The following GOLM2 variants were observed in gnomAD, a reference collection of about 807,000 sequenced individuals.
The protein encoded by GOLM2 is golgi membrane protein 2, also known as protein GOLM2.
GOLM2 carries 26 observed loss-of-function variants against 55.9 expected under a neutral mutation model. The ratio of observed to expected loss-of-function variants is 0.47; its 90% CI spans 0.34 to 0.65. The LOEUF is 0.65. GOLM2 is among the 30% of genes least tolerant of loss of function. The pLI, the probability that GOLM2 is intolerant of heterozygous loss-of-function variation, is 0.01. For synonymous variants in GOLM2, 165 were observed against 194.6 expected (o/e 0.85, Z 1.27); for missense variants, 486 against 531.8 (o/e 0.91, Z 0.85).
intron 6 of GOLM2, among the ~76,000 whole-genome samples, chr15:44,377,057 T>C (rs1329133832): frequency 1.3e-5 from 2 of 152,222 alleles, no homozygotes; most frequent in East Asian, 1.9e-4. Flanking sequence ...ACTAGTTAAG[T>C]TGTTACAGTT....
intron 8 of GOLM2, among the ~76,000 whole-genome samples, chr15:44,387,645 C>T (rs1424544550): frequency 6.6e-6 from 1 of 151,868 alleles, no homozygotes; most frequent in Admixed American, 6.6e-5. Flanking sequence ...GCCTGTAATC[C>T]CAGCTACTTG....
At chr15:44,343,281 G>A (rs1349095029) in intron 6 of GOLM2, among the ~76,000 whole-genome samples, 13 of 148,152 alleles carry the variant, frequency 8.8e-5, no homozygotes, top group South Asian at 2.1e-4. Context: ...TGCAGTGAGC[G>A]AAGATCATGC....
rs547320793 is a variant in GOLM2, at chr15:44,394,630, C to A, written c.1073-8257C>A. Among the ~76,000 whole-genome samples, 6 of 152,176 alleles carry A rather than the reference C, an allele frequency of 3.9e-5. No homozygotes were observed. In the South Asian group the frequency reaches 1.2e-3, roughly 32 times the overall value. On this transcript the variant is annotated intron_variant, in intron 8 of 9. Transcript: ENST00000299957. The stretch of plus-strand genomic sequence containing the variant: ...TAATGAAATCAATTCAAAAGCCAGT[C>A]AATAGTTTTCCTACAATTGTTTTGT...
chr15:44,403,054 G>A lies in GOLM2; in HGVS notation c.1240G>A (p.Asp414Asn). The A allele has an allele frequency of 3.7e-6, 6 of 1,614,084 alleles. No homozygotes were observed. The highest frequency in any genetic ancestry group is 5.1e-6 in the Non-Finnish European group (6 of 1,180,018). The change falls in exon 9 of 10, where the codon GAT becomes AAT. Residue 414 changes from aspartate (D) to asparagine (N), a missense_variant and splice_region_variant. Physicochemically the swap from Asp to Asn is conservative, Grantham distance 23. Coordinates refer to ENST00000299957, the MANE Select transcript of GOLM2 (RefSeq NM_138423.4). ...DGDGGEEDVQDDEERELQMDP... is the reference protein window; with the variant it reads ...DGDGGEEDVQNDEERELQMDP... ...TGATGGTGGAGAGGAAGACGTCCAA[G>A]GTGAGCGTGGGCCTGGCCTCCATGC... is the stretch of plus-strand genomic sequence containing the variant.
intron 6 of GOLM2, among the ~76,000 whole-genome samples, chr15:44,367,046 A>G (rs2079290575): frequency 6.6e-6 from 1 of 152,266 alleles, no homozygotes; most frequent in African/African-American, 2.4e-5. Context: ...TAGATATCTT[A>G]TAAAACAGAC....
intron 8 of GOLM2, among the ~76,000 whole-genome samples, chr15:44,397,060 ATTACT>A (rs2079530903): frequency 6.6e-6 from 1 of 152,176 alleles, no homozygotes; most frequent in Admixed American, 6.5e-5. Flanking sequence ...AGTAAATATA[ATTACT>A]TTATTACTCC....
intron 1 of GOLM2, among the ~76,000 whole-genome samples, chr15:44,294,959 T>A (rs981972789): frequency 6.6e-6 from 1 of 152,060 alleles, no homozygotes; most frequent in African/African-American, 2.4e-5. Context: ...TAAGGTTATC[T>A]TTGGAAATCA....
In GOLM2 at chr15:44,288,922, C is replaced by A; in HGVS notation, c.-108C>A. The A allele has an allele frequency of 9.3e-7, 1 of 1,073,430 alleles. No homozygotes were observed. The highest frequency in any genetic ancestry group is 1.6e-5 in the South Asian group (1 of 62,926). The allele number at this position is 1,073,430 out of a possible 1,614,324, so 66.5% of individuals were successfully genotyped here. ...GCCGACCGGTAAGCCCGCCTCCTCC[C>A]TCGGCCGGCCCTGGGGCCGTGTCCG... On this transcript the variant is annotated 5_prime_UTR_variant, in exon 1 of 10. Coordinates refer to ENST00000299957, the MANE Select transcript of GOLM2 (RefSeq NM_138423.4).
At chr15:44,365,191 A>T (rs1246217326) in intron 6 of GOLM2, among the ~76,000 whole-genome samples, 1 of 152,200 alleles carries the variant, frequency 6.6e-6, no homozygotes, top group Non-Finnish European at 1.5e-5. Flanking sequence ...ACAATGGAAT[A>T]TTATTTACCA....
intron 8 of GOLM2, among the ~76,000 whole-genome samples, chr15:44,401,535 T>C (rs2079565305): frequency 6.6e-6 from 1 of 152,056 alleles, no homozygotes; most frequent in Non-Finnish European, 1.5e-5. Context: ...GACAGGCATA[T>C]GCCACTGCAC....
chr15:44,324,637 CA>C (rs1220303603), intron 2 of GOLM2, among the ~76,000 whole-genome samples: 1 of 151,980 alleles, frequency 6.6e-6, no homozygotes, highest in East Asian at 1.9e-4. Context: ...TTGGTTTTTT[CA>C]ATCATTGAGG....
chr15:44,351,813 T>C (rs1263675861), intron 6 of GOLM2, among the ~76,000 whole-genome samples: 1 of 151,974 alleles, frequency 6.6e-6, no homozygotes, highest in Admixed American at 6.6e-5. Flanking sequence ...ATCAGGAACA[T>C]AATCCCATTT....
chr15:44,322,915 G>T lies in GOLM2; in HGVS notation c.328-50G>T. On this transcript the variant is annotated intron_variant, in intron 1 of 9. Coordinates refer to ENST00000299957, the MANE Select transcript of GOLM2 (RefSeq NM_138423.4). ...CAAAGTGAATATGAACCAAAAAAAT[G>T]AACAAAACTACATATTTTTTAGTAA... is the stretch of plus-strand genomic sequence containing the variant. The T allele has an allele frequency of 2.2e-6, 3 of 1,345,770 alleles. No individual in the cohort carries two copies. In the South Asian group the frequency reaches 4.1e-5, roughly 18 times the overall value. The allele number at this position is 1,345,770 out of a possible 1,614,324, so 83.4% of individuals were successfully genotyped here.
chr15:44,345,304 G>A (rs1299213619), intron 6 of GOLM2, among the ~76,000 whole-genome samples: 1 of 148,328 alleles, frequency 6.7e-6, no homozygotes, highest in Non-Finnish European at 1.5e-5. Context: ...ACAGAGTCTC[G>A]CTGTGTCGCC....
At chr15:44,336,711 T>G (rs1377169211) in intron 4 of GOLM2, among the ~76,000 whole-genome samples, 1 of 151,658 alleles carries the variant, frequency 6.6e-6, no homozygotes, top group Non-Finnish European at 1.5e-5. Flanking sequence ...GGTCAGGAGA[T>G]CGAGACCATC....
chr15:44,383,299 C>T (rs977395832), intron 8 of GOLM2, among the ~76,000 whole-genome samples: 4 of 151,898 alleles, frequency 2.6e-5, no homozygotes, highest in South Asian at 4.2e-4. Context: ...TCCTACTTTG[C>T]GTGTTCCTTT....
At chr15:44,345,921 T>TGTGA (rs1257604805) in intron 6 of GOLM2, 1 of 151,894 alleles carries the variant, frequency 6.6e-6, no homozygotes, top group East Asian at 1.9e-4. Flanking sequence ...TGTGTGTGTG[T>TGTGA]GACAGAGTCT....
intron 1 of GOLM2, among the ~76,000 whole-genome samples, chr15:44,321,825 G>A (rs1426722975): frequency 2.6e-5 from 4 of 151,740 alleles, no homozygotes; most frequent in Admixed American, 2.0e-4. Context: ...AGGCCAGCAG[G>A]AGAATCACTT....
intron 1 of GOLM2, chr15:44,307,723 A>T (rs1315909504): frequency 6.6e-6 from 1 of 152,212 alleles, no homozygotes; most frequent in Non-Finnish European, 1.5e-5. Context: ...ATAATGCATG[A>T]TTAAATGCTA....
Sources: gnomAD v4.1 joint callset for allele counts (sites outside exome capture counted in the v4.1 genomes callset) on GRCh38, gnomAD v4.1.1 for gene constraint, MANE v1.5 for transcripts, NCBI Gene and HGNC (gene_info 2026-07-23, HGNC 2026-07-21) for gene names.